Variants in FGGY observed in about 807,000 individuals in gnomAD.
The protein encoded by FGGY is FGGY carbohydrate kinase domain-containing protein.
Under a neutral mutation model 71.3 loss-of-function variants are expected in FGGY, and 72 were observed. The observed-to-expected ratio is 1.01, with a 90% CI of 0.84 to 1.23. The LOEUF (loss-of-function observed/expected upper bound fraction) is 1.23, where lower values mean the gene tolerates loss of function less well. FGGY is among the 50% of genes most tolerant of loss of function. The pLI, the probability that FGGY is intolerant of heterozygous loss-of-function variation, is 0.00. For missense variants in FGGY, 668 were observed against 682.3 expected (o/e 0.98, Z 0.23); for synonymous variants, 251 against 250.3 (o/e 1.00, Z -0.02).
rs575622524 is a variant in FGGY, at chr1:59,504,743, G to A, written c.671-7568G>A. On this transcript the variant is annotated intron_variant, in intron 6 of 15. Transcript: ENST00000303721. ...AGAAAACACATTTCTTGTCCCAGTA[G>A]CATTCAAGATCAAGAGTTAAACTTA... Among the ~76,000 whole-genome samples, 13 of 152,304 alleles carry A rather than the reference G, an allele frequency of 8.5e-5. No homozygotes were observed. The East Asian group carries it at 1.9e-3, about 23-fold the overall frequency.
At chr1:59,616,301 A>G (rs185431039) in intron 9 of FGGY, among the ~76,000 whole-genome samples, 14 of 152,356 alleles carry the variant, frequency 9.2e-5, no homozygotes, top group Non-Finnish European at 2.1e-4. Flanking sequence ...AATACTATGC[A>G]GCCATAAAAA....
chr1:59,369,101 A>T (rs942862148), intron 4 of FGGY, among the ~76,000 whole-genome samples: 12 of 152,240 alleles, frequency 7.9e-5, no homozygotes, highest in Non-Finnish European at 1.5e-4. Context: ...AAGCCGAAGC[A>T]GGGCGAGGCA....
At chr1:59,433,049 G>A (rs1004580375) in intron 5 of FGGY, among the ~76,000 whole-genome samples, 1 of 152,220 alleles carries the variant, frequency 6.6e-6, no homozygotes, top group African/African-American at 2.4e-5. Flanking sequence ...CTTTGTATCT[G>A]TAGAGCCTAG....
At chr1:59,565,143 A>T (rs574270575) in intron 8 of FGGY, among the ~76,000 whole-genome samples, 1 of 152,090 alleles carries the variant, frequency 6.6e-6, no homozygotes, top group Non-Finnish European at 1.5e-5. Context: ...TATTTATTAT[A>T]TGTTTATCAT....
chr1:59,757,447 A>G (rs2098301901), intron 14 of FGGY, among the ~76,000 whole-genome samples: 1 of 152,230 alleles, frequency 6.6e-6, no homozygotes, highest in Admixed American at 6.5e-5. Context: ...TGCTGGAAAA[A>G]GAGCTGAAGT....
intron 15 of FGGY, among the ~76,000 whole-genome samples, chr1:59,759,402 A>G (rs186892482): frequency 2.6e-5 from 4 of 152,324 alleles, no homozygotes; most frequent in African/African-American, 7.2e-5. Context: ...AGTAGGAGCT[A>G]TGGGCTGCTG....
intron 6 of FGGY, among the ~76,000 whole-genome samples, chr1:59,497,817 A>G (rs1312503462): frequency 6.6e-6 from 1 of 152,064 alleles, no homozygotes; most frequent in Non-Finnish European, 1.5e-5. Context: ...TCCTGTTAGT[A>G]CCTGCAACTC....
Position 59,668,852 on chromosome 1 carries a change from G to C in FGGY, c.1417+1449G>C, listed in dbSNP as rs549648465. On this transcript the variant is annotated intron_variant, in intron 13 of 15. Transcript: ENST00000303721. Reference sequence around the variant, plus strand: ...ACAAAAAAAAAAAAATTAGCCAGGCGTGGTGGCGCATGCCTGTAATCCCAG... The same window carrying C: ...ACAAAAAAAAAAAAATTAGCCAGGCCTGGTGGCGCATGCCTGTAATCCCAG... 3.9e-5 allele frequency among the ~76,000 whole-genome samples: 6 copies of C among 152,080 alleles called. No homozygotes were observed. In the South Asian group the frequency reaches 1.2e-3, roughly 32 times the overall value.
intron 14 of FGGY, among the ~76,000 whole-genome samples, chr1:59,723,892 G>A (rs1170676026): frequency 1.7e-4 from 26 of 152,338 alleles, no homozygotes; most frequent in Non-Finnish European, 4.4e-5. Context: ...TCTGGGCATG[G>A]TAGTTCACAC....
chr1:59,607,461 G>A (rs1261610419), intron 8 of FGGY, among the ~76,000 whole-genome samples: 1 of 152,224 alleles, frequency 6.6e-6, no homozygotes, highest in Non-Finnish European at 1.5e-5. Flanking sequence ...ACATCTCAAT[G>A]TGAGGAGCTG....
intron 6 of FGGY, among the ~76,000 whole-genome samples, chr1:59,473,850 C>T (rs1258544850): frequency 1.3e-5 from 2 of 152,164 alleles, no homozygotes; most frequent in Non-Finnish European, 2.9e-5. Flanking sequence ...TCCTATGAAG[C>T]TGTTTGTGTG....
At chr1:59,465,771 T>A (rs1306409446) in intron 6 of FGGY, among the ~76,000 whole-genome samples, 1 of 152,022 alleles carries the variant, frequency 6.6e-6, no homozygotes, top group Non-Finnish European at 1.5e-5. Flanking sequence ...ACAAAGAGAA[T>A]AAAATACCTA....
chr1:59,668,985 C>A (rs2153972843), intron 13 of FGGY, among the ~76,000 whole-genome samples: 1 of 141,692 alleles, frequency 7.1e-6, no homozygotes, highest in Admixed American at 7.0e-5. Context: ...GAGCAAAACT[C>A]CATCTCAAAA....
chr1:59,617,961 G>C (rs147978329), intron 9 of FGGY, among the ~76,000 whole-genome samples: 67 of 152,178 alleles, frequency 4.4e-4, no homozygotes, highest in Middle Eastern at 3.4e-3. Context: ...ACCTATGGAA[G>C]ACATTCTGCT....
At chr1:59,461,448 G>A (rs1192884561) in intron 6 of FGGY, among the ~76,000 whole-genome samples, 1 of 152,176 alleles carries the variant, frequency 6.6e-6, no homozygotes, top group African/African-American at 2.4e-5. Context: ...CATTTGATTG[G>A]TGTACCTGAA....
At chr1:59,611,264 A>T (rs1472011150) in intron 9 of FGGY, among the ~76,000 whole-genome samples, 3 of 152,184 alleles carry the variant, frequency 2.0e-5, no homozygotes, top group South Asian at 2.1e-4. Flanking sequence ...GACACCTCCC[A>T]GTAGGGGCCG....
intron 4 of FGGY, among the ~76,000 whole-genome samples, chr1:59,362,769 T>G (rs1222269306): frequency 6.6e-6 from 1 of 152,250 alleles, no homozygotes; most frequent in Non-Finnish European, 1.5e-5. Context: ...ACTTGAATTA[T>G]TCTGTACTAT....
chr1:59,479,785 G>T (rs60286237), intron 6 of FGGY, among the ~76,000 whole-genome samples: 7,777 of 152,180 alleles, frequency 0.051, 247 homozygotes, highest in East Asian at 0.13. Flanking sequence ...CCTGCTTAGG[G>T]GTCGCCATGA....
At chr1:59,471,120 A>T (rs926703373) in intron 6 of FGGY, among the ~76,000 whole-genome samples, 4 of 152,192 alleles carry the variant, frequency 2.6e-5, no homozygotes, top group African/African-American at 9.7e-5. Context: ...CCACACATAT[A>T]TCAAGGGGGA....
Sources: allele counts gnomAD v4.1 joint callset (sites outside exome capture counted in the v4.1 genomes callset), GRCh38; gene constraint gnomAD v4.1.1; transcripts MANE v1.5; gene names NCBI Gene and HGNC (gene_info 2026-07-23, HGNC 2026-07-21).